The following MCM4 variants were observed in gnomAD, a reference collection of about 807,000 sequenced individuals.
The protein encoded by MCM4 is DNA replication licensing factor MCM4.
Under a neutral mutation model 88.7 loss-of-function variants are expected in MCM4, and 60 were observed. That is an observed-to-expected ratio of 0.68 (90% confidence interval 0.55 to 0.84). MCM4 has a LOEUF of 0.84. Ranked by LOEUF, MCM4 falls within the 40% of genes least tolerant of loss-of-function variation. The pLI is 0.00. For missense variants in MCM4, 1,149 were observed against 1,105.5 expected, an observed-to-expected ratio of 1.04 and a Z score of -0.56; for synonymous variants, 465 against 410.5, an observed-to-expected ratio of 1.13 and a Z score of -1.61.
rs1391963388 is a variant in MCM4, at chr8:47,976,732, A to G, written c.2546A>G (p.Asp849Gly). 1.2e-6 allele frequency: 2 copies of G among 1,613,568 alleles called. No individual in the cohort carries two copies. The highest frequency in any genetic ancestry group is 1.7e-6 in the Non-Finnish European group (2 of 1,179,682). Residue 849 changes from aspartate to glycine, a missense_variant, in exon 17 of 17, where the codon GAT becomes GGT. By Grantham distance (94) the Asp-to-Gly change is moderately conservative. Coordinates refer to ENST00000649973, the MANE Select transcript of MCM4 (RefSeq NM_182746.3). ...MFEEALRALADDDFLTVTGKT... is the reference protein window; with the variant it reads ...MFEEALRALAGDDFLTVTGKT... Reference sequence around the variant, plus strand: ...GAAGAAGCACTGCGTGCCCTGGCAGATGATGATTTCCTGACAGTGACTGGG... The same window carrying G: ...GAAGAAGCACTGCGTGCCCTGGCAGGTGATGATTTCCTGACAGTGACTGGG...
At position 47,967,488 on chromosome 8, in the gene MCM4, A is replaced by G; in HGVS notation, c.1174+3A>G. On this transcript the variant is annotated splice_donor_region_variant and intron_variant, in intron 10 of 16. Coordinates refer to ENST00000649973, the MANE Select transcript of MCM4 (RefSeq NM_182746.3). ...TGGGGACAGAGTGAATGTTACAGGT[A>G]AGAGTGTAGGTTTGCACCAGCACTT... is the stretch of plus-strand genomic sequence containing the variant. The G allele has an allele frequency of 1.2e-6, 2 of 1,614,142 alleles. No homozygotes were observed. Among genetic ancestry groups the G allele is most frequent in the East Asian group, 2.2e-5 (1 of 44,884 alleles).
chr8:47,967,746 C>A (rs1300977639), intron 10 of MCM4, among the ~76,000 whole-genome samples: 3 of 152,188 alleles, frequency 2.0e-5, no homozygotes, highest in Non-Finnish European at 4.4e-5. Flanking sequence ...CCTCTTGATA[C>A]CTCAGTATCC....
At chr8:47,970,218 CATA>C (rs1563834223) in intron 11 of MCM4, among the ~76,000 whole-genome samples, 161 bp downstream of exon 11, 1 of 152,210 alleles carries the variant, frequency 6.6e-6, no homozygotes, top group Non-Finnish European at 1.5e-5. Flanking sequence ...TGAGAAGAAT[CATA>C]GCATTGTCTA....
In MCM4 at chr8:47,976,938, G is replaced by GT; in HGVS notation, c.*161dup. Reference sequence around the variant, plus strand: ...ACTTGGGTTCAATATTTGTAGTGAAGTATCTGTTTTCATTTTTTTCACGTT... The same window carrying GT: ...ACTTGGGTTCAATATTTGTAGTGAAGTTATCTGTTTTCATTTTTTTCACGTT... On this transcript the variant is annotated 3_prime_UTR_variant, in exon 17 of 17. Coordinates refer to ENST00000649973, the MANE Select transcript of MCM4 (RefSeq NM_182746.3). The GT allele has an allele frequency of 1.9e-6, 1 of 533,216 alleles. No individual in the cohort carries two copies. The highest frequency in any genetic ancestry group is 2.2e-5 in the South Asian group (1 of 45,178). 33.0% of individuals were successfully genotyped at this position (533,216 alleles called of 1,614,324 possible). A position where few individuals can be genotyped will look rare whatever the true frequency, so the allele number is the denominator to read the frequency against.
intron 7 of MCM4, 114 bp downstream of exon 7, chr8:47,963,154 T>G: frequency 3.1e-6 from 2 of 643,082 alleles, no homozygotes; most frequent in Non-Finnish European, 5.4e-6. Flanking sequence ...TTTAAGAAAC[T>G]GAGTATCATC....
intron 16 of MCM4, 65 bp downstream of exon 16, chr8:47,975,913 G>C: frequency 8.5e-7 from 1 of 1,176,792 alleles, no homozygotes; most frequent in East Asian, 2.8e-5. Context: ...TTGCTTTTGG[G>C]TTTTTTTCCT....
rs1317773663 is a variant in MCM4 at position 47,977,783 on chromosome 8, G to A, written c.*1005G>A. 2 of 152,066 alleles carry A rather than the reference G, an allele frequency of 1.3e-5. No individual in the cohort carries two copies. The highest frequency in any genetic ancestry group is 3.9e-4 in the East Asian group (2 of 5,190). The allele number at this position is 152,066 out of a possible 1,614,324, so 9.4% of individuals were successfully genotyped here. ...CTTTGTTTTATTTTTTATTTTTTGA[G>A]AGGTATGATTCTTTCTAGAGATTTT... On this transcript the variant is annotated 3_prime_UTR_variant, in exon 17 of 17. Coordinates refer to ENST00000649973, the MANE Select transcript of MCM4 (RefSeq NM_182746.3).
rs769306439 is a variant in MCM4, at chr8:47,972,938, C to T, written c.2010C>T (p.Tyr670=). Residue 670 remains tyrosine, a synonymous_variant, in exon 14 of 17, where the codon TAC becomes TAT. Transcript: ENST00000649973. ...TGGCTCACCACCTGGTCGCACTGTACTACCAGAGCGAGGAGCAGGCAGAGG... is the reference window on the plus strand; with the variant it reads ...TGGCTCACCACCTGGTCGCACTGTATTACCAGAGCGAGGAGCAGGCAGAGG... ...RRLAHHLVAL[Y]YQSEEQAEEE... The T allele has an allele frequency of 6.2e-7, 1 of 1,614,218 alleles. No individual in the cohort carries two copies.
chr8:47,966,132 TC>T, intron 8 of MCM4, 54 bp from the exon 9 acceptor site: 1 of 1,447,050 alleles, frequency 6.9e-7, no homozygotes. Context: ...TCCCAGCTAT[TC>T]CTGGACCTCC....
At chr8:47,973,708 T>A (rs2154505426) in intron 14 of MCM4, 1 of 152,240 alleles carries the variant, frequency 6.6e-6, no homozygotes, top group South Asian at 2.1e-4. Flanking sequence ...TAGGATGGTC[T>A]CGATCTCCTG....
chr8:47,972,768 G>A (rs1369069075), intron 13 of MCM4, 89 bp from the exon 14 acceptor site: 3 of 962,290 alleles, frequency 3.1e-6, no homozygotes, highest in Non-Finnish European at 4.8e-6. Flanking sequence ...TGTTGGCCAG[G>A]CTGGTCTCAA....
rs765208492 is a variant in MCM4 at position 47,961,640 on chromosome 8, G to T, written c.195G>T (p.Gln65His). 1 of 1,612,992 alleles carries T rather than the reference G, an allele frequency of 6.2e-7. No homozygotes were observed. Among genetic ancestry groups the T allele is most frequent in the Non-Finnish European group, 8.5e-7 (1 of 1,179,204 alleles). ...PGVDLQSPAA[Q>H]DVLFSSPPQM... is the part of the protein sequence containing the mutation. ...TGGACCTGCAGAGCCCTGCTGCGCAGGACGTGCTGTTTTCCAGCCCTCCCC... is the reference window on the plus strand; with the variant it reads ...TGGACCTGCAGAGCCCTGCTGCGCATGACGTGCTGTTTTCCAGCCCTCCCC... The change falls in exon 3 of 17, where the codon CAG (glutamine) becomes CAT (histidine). Residue 65 changes from glutamine to histidine, a missense_variant. This residue lies in a region of MCM4 where 906 missense variants were observed against 843.0 expected (regional missense o/e 1.07). Transcript: ENST00000649973.
Position 47,964,627 on chromosome 8 carries a change from C to T in MCM4, c.747C>T (p.Tyr249=), listed in dbSNP as rs2090881345. The T allele has an allele frequency of 6.2e-7, 1 of 1,606,922 alleles. No individual in the cohort carries two copies. Among genetic ancestry groups the T allele is most frequent in the Non-Finnish European group, 8.5e-7 (1 of 1,178,196 alleles). ...TCAATGAAATCTTCTTTGACCGTTA[C>T]CCTGACTCAATCTTAGAACATCAGA... The part of the protein sequence containing the change: ...MAVNEIFFDR[Y]PDSILEHQIQ... The change falls in exon 8 of 17, where the codon TAC becomes TAT. Residue 249 remains tyrosine, a synonymous_variant. Transcript: ENST00000649973.
At chr8:47,976,303 A>AG (rs1465311215) in intron 16 of MCM4, among the ~76,000 whole-genome samples, 1 of 152,058 alleles carries the variant, frequency 6.6e-6, no homozygotes, top group Admixed American at 6.6e-5. Context: ...AAAAAAAAAA[A>AG]AAAAGAAAAA....
chr8:47,975,068 T>C, intron 15 of MCM4, 106 bp downstream of exon 15: 5 of 940,666 alleles, frequency 5.3e-6, no homozygotes, highest in Non-Finnish European at 7.8e-6. Flanking sequence ...AAACAGAAGT[T>C]CTTAACCTTT....
rs2091007580 is a variant in MCM4, at chr8:47,977,017, G to T, written c.*239G>T. ...GCGGTGGCTCACACCTGTAATCCCA[G>T]CACTTTGGGAGGCCAATGTGGGTGG... On this transcript the variant is annotated 3_prime_UTR_variant, in exon 17 of 17. Transcript: ENST00000649973. 1 of 298,826 alleles carries T rather than the reference G, an allele frequency of 3.3e-6. No homozygotes were observed. The highest frequency in any genetic ancestry group is 2.2e-5 in the African/African-American group (1 of 45,952). The allele number at this position is 298,826 out of a possible 1,614,324, so 18.5% of individuals were successfully genotyped here. A position where few individuals can be genotyped will look rare whatever the true frequency, so the allele number is the denominator to read the frequency against.
rs1813792992 is a variant in MCM4 at position 47,961,609 on chromosome 8, C to G, written c.164C>G (p.Pro55Arg). 1.2e-6 allele frequency: 2 copies of G among 1,614,208 alleles called. No individual in the cohort carries two copies. The highest frequency in any genetic ancestry group is 2.2e-5 in the South Asian group (2 of 91,092). Reference sequence around the variant, plus strand: ...GAGTTGCAGCCGATGCCAACCTCGCCTGGAGTGGACCTGCAGAGCCCTGCT... The same window carrying G: ...GAGTTGCAGCCGATGCCAACCTCGCGTGGAGTGGACCTGCAGAGCCCTGCT... The part of the protein sequence containing the change: ...TGELQPMPTS[P>R]GVDLQSPAAQ... Residue 55 changes from proline (P) to arginine (R), a missense_variant, in exon 3 of 17, where the codon CCT (proline) becomes CGT (arginine). Coordinates refer to ENST00000649973, the MANE Select transcript of MCM4 (RefSeq NM_182746.3).
At chr8:47,973,512 A>T (rs1249053476) in intron 14 of MCM4, among the ~76,000 whole-genome samples, 2 of 147,446 alleles carry the variant, frequency 1.4e-5, no homozygotes, top group African/African-American at 5.0e-5. Flanking sequence ...TTTTTTTGTG[A>T]GACGGAGTCT....
chr8:47,971,593 G>C, intron 13 of MCM4, 125 bp downstream of exon 13: 7 of 1,065,374 alleles, frequency 6.6e-6, no homozygotes, highest in Non-Finnish European at 9.5e-6. Flanking sequence ...TTTCAAATTT[G>C]GTTGGTCAAG....
Sources: allele counts gnomAD v4.1 joint callset (sites outside exome capture counted in the v4.1 genomes callset), GRCh38; gene constraint gnomAD v4.1.1; regional missense constraint gnomAD v4.1.1; transcripts MANE v1.5; gene names NCBI Gene and HGNC (gene_info 2026-07-23, HGNC 2026-07-21).